The following HPS5 variants were observed in gnomAD, a reference collection of about 807,000 sequenced individuals.
The protein encoded by HPS5 is HPS5 biogenesis of lysosomal organelles complex 2 subunit 2.
A neutral mutation model predicts 128.0 loss-of-function variants in HPS5; 83 were observed. That is an observed-to-expected ratio of 0.65 (90% CI 0.54 to 0.78). HPS5 has a LOEUF of 0.78. Ranked by LOEUF, HPS5 falls within the 30% of genes least tolerant of loss-of-function variation. The probability of loss-of-function intolerance (pLI) is 0.00; values close to 1 mark genes in which losing one functional copy is unlikely to be tolerated. For synonymous variants in HPS5, 475 were observed against 470.2 expected, an observed-to-expected ratio of 1.01 and a Z score of -0.13; for missense variants, 1,281 against 1,326.2, an observed-to-expected ratio of 0.97 and a Z score of 0.53.
intron 1 of HPS5, among the ~76,000 whole-genome samples, chr11:18,318,684 A>G (rs1863929516): frequency 6.6e-6 from 1 of 152,230 alleles, no homozygotes; most frequent in South Asian, 2.1e-4. Flanking sequence ...CTCATTAATT[A>G]TAACTTTTCT....
chr11:18,280,446 TA>T, intron 22 of HPS5: 1 of 594,420 alleles, frequency 1.7e-6, no homozygotes, highest in Non-Finnish European at 3.0e-6. Flanking sequence ...GGCAGGAAAG[TA>T]AAATGGTGCA....
chr11:18,298,252 G>A (rs984114682), intron 10 of HPS5, among the ~76,000 whole-genome samples: 1 of 151,880 alleles, frequency 6.6e-6, no homozygotes. Context: ...CACACTTTGG[G>A]AGGCCAAAGT....
At position 18,291,824 on chromosome 11, in the gene HPS5, T is replaced by G. The variant is rs1860442520; in HGVS notation, c.2058A>C (p.Glu686Asp). The change falls in exon 16 of 23, where the codon GAA (glutamate) becomes GAC (aspartate). Residue 686 changes from glutamate to aspartate, a missense_variant. Coordinates refer to ENST00000349215, the MANE Select transcript of HPS5 (RefSeq NM_181507.2). ...AGTCCCTTTTTTCTTTTTCATTATC[T>G]TCATCTAATATTCCCTTTTTTGATT... Reference protein sequence around the residue: ...VNESKKGILDEDNEKEKRDSL... With the variant: ...VNESKKGILDDDNEKEKRDSL... 2 of 1,612,510 alleles carry G rather than the reference T, an allele frequency of 1.2e-6. No homozygotes were observed. The highest frequency in any genetic ancestry group is 2.7e-5 in the African/African-American group (2 of 74,740).
At chr11:18,314,773 T>A (rs1863423493) in intron 2 of HPS5, among the ~76,000 whole-genome samples, 1 of 152,134 alleles carries the variant, frequency 6.6e-6, no homozygotes, top group South Asian at 2.1e-4. Flanking sequence ...CTATCACAGC[T>A]CACTGTAGCC....
At position 18,291,636 on chromosome 11, in the gene HPS5, A is replaced by G. The variant is rs1028196019; in HGVS notation, c.2246T>C (p.Val749Ala). The G allele has an allele frequency of 9.3e-6, 15 of 1,614,088 alleles. No homozygotes were observed. In the African/African-American group the frequency reaches 1.1e-4, roughly 11 times the overall value. The change falls in exon 16 of 23, where the codon GTA becomes GCA. Residue 749 changes from valine (V) to alanine (A), a missense_variant. Coordinates refer to ENST00000349215, the MANE Select transcript of HPS5 (RefSeq NM_181507.2). The stretch of plus-strand genomic sequence containing the variant: ...GGTGCTTTTGATCTTAGAATTCAAT[A>G]CATTCAACTCCAAACATAATGTTGT... ...ELTTLCLELNVLNSKIKSTSG... is the reference protein window; with the variant it reads ...ELTTLCLELNALNSKIKSTSG...
intron 7 of HPS5, 29 bp from the exon 8 acceptor site, chr11:18,305,522 T>A: frequency 6.7e-7 from 1 of 1,495,120 alleles, no homozygotes; most frequent in South Asian, 1.1e-5. Context: ...TGTTAATGAG[T>A]TTATCTGTTA....
chr11:18,306,164 C>T lies in HPS5; in HGVS notation c.795G>A (p.Ser265=), dbSNP rs371331168. Residue 265 remains serine, a synonymous_variant, in exon 7 of 23, where the codon TCG becomes TCA. Transcript: ENST00000349215. ...ISTHQFKKLL[S]LPPLPVITLR... is the part of the protein sequence containing the mutation. The stretch of plus-strand genomic sequence containing the variant: ...GAGTAATCACAGGGAGAGGTGGCAA[C>T]GAGAGGAGTTTCTTGAACTGATGTG... The T allele has an allele frequency of 5.0e-5, 80 of 1,613,474 alleles. No individual in the cohort carries two copies. The highest frequency in any genetic ancestry group is 1.3e-4 in the East Asian group (6 of 44,884).
At chr11:18,292,131 C>T (rs916289245) in intron 15 of HPS5, 112 bp from the exon 16 acceptor site, 6 of 775,390 alleles carry the variant, frequency 7.7e-6, no homozygotes, top group African/African-American at 1.7e-5. Context: ...CTGGAATAAA[C>T]GTTACTTTTC....
Position 18,305,503 on chromosome 11 carries a change from A to C in HPS5, c.825-10T>G. 6.3e-7 allele frequency: 1 copy of C among 1,575,118 alleles called. No homozygotes were observed. Among genetic ancestry groups the C allele is most frequent in the Non-Finnish European group, 8.7e-7 (1 of 1,144,976 alleles). The stretch of plus-strand genomic sequence containing the variant: ...ATACTGAGGTTCTGATCTAGAAAGT[A>C]AACACATCTGTTAATGAGTTTATCT... On this transcript the variant is annotated splice_polypyrimidine_tract_variant and intron_variant, in intron 7 of 22. Transcript: ENST00000349215.
Position 18,296,884 on chromosome 11 carries a change from AGGGTTT to A in HPS5, c.1418_1423del (p.Gln473_Thr474del). On this transcript the variant is annotated inframe_deletion, in exon 12 of 23. Coordinates refer to ENST00000349215, the MANE Select transcript of HPS5 (RefSeq NM_181507.2). Reference sequence around the variant, plus strand: ...TTCTTTAAATCTCTCATCTTCTGAGAGGGTTTGGCTGTGAAGGGAGCAAGAGTCTTC... The same window carrying A: ...TTCTTTAAATCTCTCATCTTCTGAGAGGCTGTGAAGGGAGCAAGAGTCTTC... 6.2e-7 allele frequency: 1 copy of A among 1,613,698 alleles called. No individual in the cohort carries two copies. The highest frequency in any genetic ancestry group is 8.5e-7 in the Non-Finnish European group (1 of 1,179,710).
chr11:18,287,122 C>T (rs1031636413), intron 18 of HPS5, among the ~76,000 whole-genome samples: 6 of 152,072 alleles, frequency 3.9e-5, no homozygotes, highest in African/African-American at 1.2e-4. Flanking sequence ...TCTAATAAGC[C>T]AGGGGCACAG....
At position 18,292,716 on chromosome 11, in the gene HPS5, G is replaced by A. The variant is rs1306024292; in HGVS notation, c.1862+183C>T. On this transcript the variant is annotated intron_variant, in intron 15 of 22. Transcript: ENST00000349215. ...CCAAGAATGAAAACTTCAGTGCCTG[G>A]GTTTTTCCTATTAGTCCTAGGAAGG... 2.6e-5 allele frequency among the ~76,000 whole-genome samples: 4 copies of A among 152,022 alleles called. No homozygotes were observed. The South Asian group carries it at 8.3e-4, about 32-fold the overall frequency.
At chr11:18,281,868 G>A (rs1590041278) in intron 22 of HPS5, 82 bp downstream of exon 22, 2 of 1,508,332 alleles carry the variant, frequency 1.3e-6, no homozygotes, top group East Asian at 4.5e-5. Context: ...GGGACTAAAT[G>A]ATCTCCACAT....
chr11:18,307,789 G>T (rs559102954), intron 6 of HPS5, among the ~76,000 whole-genome samples: 3 of 151,350 alleles, frequency 2.0e-5, no homozygotes, highest in Non-Finnish European at 4.4e-5. Context: ...GGGAAAACAG[G>T]TTGAAACAAA....
At chr11:18,307,100 T>C (rs1263286796) in intron 6 of HPS5, among the ~76,000 whole-genome samples, 1 of 152,230 alleles carries the variant, frequency 6.6e-6, no homozygotes. Context: ...TATATGGCAA[T>C]TATGTCTATT....
intron 3 of HPS5, chr11:18,311,652 A>G: frequency 1.8e-6 from 1 of 552,866 alleles, no homozygotes; most frequent in Non-Finnish European, 3.2e-6. Flanking sequence ...CTGGGATTAC[A>G]GGCACTCACC....
At chr11:18,321,376 C>A (rs1021391286) in intron 1 of HPS5, among the ~76,000 whole-genome samples, 4 of 152,192 alleles carry the variant, frequency 2.6e-5, no homozygotes, top group African/African-American at 9.7e-5. Flanking sequence ...TACCAAAACC[C>A]TACCTTTCTG....
chr11:18,286,594 G>A lies in HPS5; in HGVS notation c.2834C>T (p.Pro945Leu). The A allele has an allele frequency of 6.2e-7, 1 of 1,613,918 alleles. No individual in the cohort carries two copies. The highest frequency in any genetic ancestry group is 8.5e-7 in the Non-Finnish European group (1 of 1,179,962). The stretch of plus-strand genomic sequence containing the variant: ...AGAAAGAGGACTTCTTCTGTACCTG[G>A]GATAACCTTCATCATCCATTGTGCT... The part of the protein sequence containing the change: ...STSTMDDEGY[P>L]RPHSHLLSWG... The change falls in exon 19 of 23, where the codon CCC becomes CTC. Residue 945 changes from proline (P) to leucine (L), a missense_variant. Pro to Leu is a moderately conservative substitution (Grantham distance 98). Coordinates refer to ENST00000349215, the MANE Select transcript of HPS5 (RefSeq NM_181507.2).
chr11:18,313,705 G>A (rs1334478518), intron 2 of HPS5, among the ~76,000 whole-genome samples: 1 of 151,760 alleles, frequency 6.6e-6, no homozygotes, highest in East Asian at 1.9e-4. Context: ...CACGAGGTTA[G>A]GAGATCGAGA....
Sources: allele counts gnomAD v4.1 joint callset (sites outside exome capture counted in the v4.1 genomes callset), GRCh38; gene constraint gnomAD v4.1.1; transcripts MANE v1.5; gene names NCBI Gene and HGNC (gene_info 2026-07-23, HGNC 2026-07-21).